Variants in DSCAM observed in about 807,000 individuals in gnomAD.
DSCAM encodes the protein DS cell adhesion molecule, also known as cell adhesion molecule DSCAM.
In DSCAM, 47 loss-of-function variants were observed where a neutral mutation model predicts 217.7. That is an observed-to-expected ratio of 0.22 (90% CI 0.17 to 0.28). The LOEUF (loss-of-function observed/expected upper bound fraction) is 0.28. Ranked by LOEUF, DSCAM falls within the 10% of genes least tolerant of loss-of-function variation. DSCAM has a pLI of 1.00. For synonymous variants in DSCAM, 1,056 were observed against 1,015.3 expected (o/e 1.04, Z -0.76); for missense variants, 2,080 against 2,618.3 (o/e 0.79, Z 4.49).
intron 1 of DSCAM, among the ~76,000 whole-genome samples, chr21:40,806,373 T>C (rs1309957167): frequency 2.6e-5 from 4 of 152,142 alleles, no homozygotes; most frequent in African/African-American, 7.2e-5. Flanking sequence ...AAAAAGTGTG[T>C]TGACCAATAA....
intron 3 of DSCAM, among the ~76,000 whole-genome samples, chr21:40,548,476 A>G (rs1315656842): frequency 6.7e-6 from 1 of 149,922 alleles, no homozygotes; most frequent in Non-Finnish European, 1.5e-5. Flanking sequence ...CCTGGATGTA[A>G]TTAATCTTCA....
intron 11 of DSCAM, among the ~76,000 whole-genome samples, chr21:40,242,026 C>G (rs554459847): frequency 1.3e-5 from 2 of 151,986 alleles, no homozygotes; most frequent in African/African-American, 4.8e-5. Flanking sequence ...GGGAAAGGAG[C>G]AGAAAAGACA....
chr21:40,693,305 G>A (rs1351678916), intron 2 of DSCAM, among the ~76,000 whole-genome samples: 1 of 152,018 alleles, frequency 6.6e-6, no homozygotes, highest in East Asian at 1.9e-4. Context: ...GCATGGTGGT[G>A]TGTGATTGTA....
intron 3 of DSCAM, among the ~76,000 whole-genome samples, chr21:40,546,044 T>C (rs78209064): frequency 0.037 from 5,671 of 152,346 alleles, 127 homozygotes; most frequent in East Asian, 0.079. Flanking sequence ...TGATGTGATC[T>C]GGTACCAGGA....
intron 3 of DSCAM, among the ~76,000 whole-genome samples, chr21:40,552,720 T>A (rs2076640097): frequency 6.6e-6 from 1 of 152,240 alleles, no homozygotes; most frequent in Non-Finnish European, 1.5e-5. Flanking sequence ...ATGAAAATTC[T>A]TATCTAGATG....
chr21:40,342,624 GTGTATATATA>G (rs1455151814), intron 6 of DSCAM, among the ~76,000 whole-genome samples: 2 of 77,276 alleles, frequency 2.6e-5, no homozygotes, highest in African/African-American at 1.2e-4. Flanking sequence ...GTGTGTGTGT[GTGTATATATA>G]TATATATATA....
chr21:40,673,736 A>G (rs1428034856), intron 3 of DSCAM, among the ~76,000 whole-genome samples: 2 of 152,140 alleles, frequency 1.3e-5, no homozygotes, highest in African/African-American at 4.8e-5. Context: ...GTTTAAAAGT[A>G]TGCAGCTCCT....
intron 3 of DSCAM, among the ~76,000 whole-genome samples, chr21:40,456,781 A>G (rs897199566): frequency 2.6e-5 from 4 of 152,200 alleles, no homozygotes; most frequent in African/African-American, 7.2e-5. Flanking sequence ...TGATTGTACA[A>G]TCCAGGTAAT....
At chr21:40,590,659 A>G (rs2076977616) in intron 3 of DSCAM, among the ~76,000 whole-genome samples, 1 of 152,226 alleles carries the variant, frequency 6.6e-6, no homozygotes, top group Non-Finnish European at 1.5e-5. Flanking sequence ...TAAATCTCAA[A>G]GTCAAAAATA....
chr21:40,481,713 T>C (rs544833223), intron 3 of DSCAM, among the ~76,000 whole-genome samples: 3 of 152,126 alleles, frequency 2.0e-5, no homozygotes, highest in Admixed American at 1.3e-4. Context: ...AAGCCAGAAC[T>C]ATATTCAACT....
intron 3 of DSCAM, among the ~76,000 whole-genome samples, chr21:40,663,320 AAG>A (rs1290674051): frequency 6.6e-6 from 1 of 151,626 alleles, no homozygotes; most frequent in Non-Finnish European, 1.5e-5. Context: ...GTATGTGTGT[AAG>A]AGAGTATGTG....
chr21:40,519,334 T>C (rs1050249178), intron 3 of DSCAM, among the ~76,000 whole-genome samples: 2 of 152,272 alleles, frequency 1.3e-5, no homozygotes, highest in Admixed American at 6.5e-5. Context: ...GAGAACCTTA[T>C]GAAAAAAAGT....
At chr21:40,048,415 A>T (rs1266637630) in intron 30 of DSCAM, among the ~76,000 whole-genome samples, 1 of 152,182 alleles carries the variant, frequency 6.6e-6, no homozygotes. Context: ...GTGTATTATA[A>T]TCCACAGGAA....
chr21:40,815,277 A>C (rs2091870904), intron 1 of DSCAM, among the ~76,000 whole-genome samples: 1 of 152,030 alleles, frequency 6.6e-6, no homozygotes, highest in Non-Finnish European at 1.5e-5. Flanking sequence ...CCACGAGATA[A>C]GGCTATTTTC....
chr21:40,162,620 T>C (rs1302851475), intron 16 of DSCAM, among the ~76,000 whole-genome samples: 1 of 152,356 alleles, frequency 6.6e-6, no homozygotes, highest in African/African-American at 2.4e-5. Context: ...ATAGTGGAGA[T>C]GTGATATTCT....
Position 40,189,229 on chromosome 21 carries a change from A to G in DSCAM, c.2366T>C (p.Met789Thr), listed in dbSNP as rs753356693. 1.1e-5 allele frequency: 18 copies of G among 1,582,702 alleles called. No individual in the cohort carries two copies. In the South Asian group the frequency reaches 2.1e-4, roughly 19 times the overall value. ...SMYLTVKIPA[M>T]ITSYPNTTLA... is the part of the protein sequence containing the mutation. ...GGTAGTATTTGGATAGGATGTTATCATCGCAGGAACTGAAAAAGCAAAAGG... is the reference window on the plus strand; with the variant it reads ...GGTAGTATTTGGATAGGATGTTATCGTCGCAGGAACTGAAAAAGCAAAAGG... Residue 789 changes from methionine to threonine, a missense_variant, in exon 12 of 33, where the codon ATG (methionine) becomes ACG (threonine). Transcript: ENST00000400454.
intron 3 of DSCAM, among the ~76,000 whole-genome samples, chr21:40,600,242 T>G (rs2077052340): frequency 1.3e-5 from 2 of 152,222 alleles, no homozygotes; most frequent in African/African-American, 4.8e-5. Flanking sequence ...GGGTAATTTA[T>G]GAACAACTGA....
chr21:40,411,974 C>T (rs764093269), intron 3 of DSCAM, among the ~76,000 whole-genome samples: 13 of 152,232 alleles, frequency 8.5e-5, no homozygotes, highest in African/African-American at 1.4e-4. Flanking sequence ...TTGGGTCTTT[C>T]GCTTTCCTGT....
chr21:40,527,734 A>T (rs545572780), intron 3 of DSCAM, among the ~76,000 whole-genome samples: 3 of 152,354 alleles, frequency 2.0e-5, no homozygotes, highest in African/African-American at 7.2e-5. Flanking sequence ...ACCCTGGAAT[A>T]AATCCAGTAT....
Sources: allele counts gnomAD v4.1 joint callset (sites outside exome capture counted in the v4.1 genomes callset), GRCh38; gene constraint gnomAD v4.1.1; transcripts MANE v1.5; gene names NCBI Gene and HGNC (gene_info 2026-07-23, HGNC 2026-07-21).